BOP1: variants seen among roughly 807,000 people sequenced by gnomAD.
BOP1 encodes the protein ribosome biogenesis protein BOP1.
BOP1 carries 54 observed loss-of-function variants against 82.9 expected under a neutral mutation model. The ratio of observed to expected loss-of-function variants is 0.65; its 90% CI spans 0.52 to 0.82. The LOEUF is 0.82. Ranked by LOEUF, BOP1 falls within the 40% of genes least tolerant of loss-of-function variation. BOP1 has a pLI of 0.00. For synonymous variants in BOP1, 566 were observed against 451.1 expected, an observed-to-expected ratio of 1.25 and a Z score of -3.23; for missense variants, 1,170 against 1,072.0, an observed-to-expected ratio of 1.09 and a Z score of -1.28.
intron 2 of BOP1, among the ~76,000 whole-genome samples, chr8:144,278,644 A>G (rs1554838591): frequency 1.3e-5 from 2 of 152,202 alleles, no homozygotes; most frequent in Non-Finnish European, 2.9e-5. Flanking sequence ...TAACTTGCCC[A>G]GAGACCAGAG....
At chr8:144,265,682 G>A (rs1171066000) in intron 3 of BOP1, 3 of 158,994 alleles carry the variant, frequency 1.9e-5, no homozygotes, top group Non-Finnish European at 4.2e-5. Context: ...CACGGGGAGG[G>A]GCCCAGGCAA....
chr8:144,263,469 T>C lies in BOP1; in HGVS notation c.1424+9A>G, dbSNP rs891158108. ...CCCTGGCTCCCCAGCCCCCAGGGCC[T>C]CCACTTACACGGCTGCAGCCACCAG... On this transcript the variant is annotated intron_variant, in intron 11 of 15. Transcript: ENST00000569669. 2,676 of 1,597,792 alleles carry C rather than the reference T, an allele frequency of 1.7e-3. 34 individuals are homozygous for C. The African/African-American group carries it at 0.031, about 19-fold the overall frequency.
intron 2 of BOP1, among the ~76,000 whole-genome samples, chr8:144,284,925 C>G (rs4977199): frequency 0.54 from 81,744 of 152,082 alleles, 22,341 homozygotes; most frequent in Admixed American, 0.65. Context: ...GGCAGGTCGC[C>G]AGGTCTCCAC....
rs1554836704 is a variant in BOP1 at position 144,263,066 on chromosome 8, C to A, written c.1681G>T (p.Val561Leu). The change falls in exon 13 of 16, where the codon GTG (valine) becomes TTG (leucine). Residue 561 changes from valine to leucine, a missense_variant. Val to Leu is a conservative substitution (Grantham distance 32, BLOSUM62 1). Transcript: ENST00000569669. ...CGACGGCTCAGCTGGTGAATCAGCA[C>A]CTGGGTGTGGCCTTGGGTGGCCAGC... Reference protein sequence around the residue: ...VVLATQGHTQVLIHQLSRRRS... With the variant: ...VVLATQGHTQLLIHQLSRRRS... 2.7e-5 allele frequency: 43 copies of A among 1,587,632 alleles called. 1 individual carries two copies. The South Asian group carries it at 4.8e-4, about 18-fold the overall frequency.
chr8:144,276,269 G>C lies in BOP1; in HGVS notation c.345C>G (p.Ser115Arg). ...CCGCATACTCATCCCCAATCCGGGC[G>C]CTCGCCATCTCTGTCCTCGGGCAAG... ...STPCPRTEMA[S>R]ARIGDEYAED... Residue 115 changes from serine to arginine, a missense_variant, in exon 3 of 16, where the codon AGC becomes AGG. Ser to Arg is a moderately radical substitution (Grantham distance 110). Coordinates refer to ENST00000569669, the MANE Select transcript of BOP1 (RefSeq NM_015201.5). 6.2e-7 allele frequency: 1 copy of C among 1,613,612 alleles called. No individual in the cohort carries two copies. The highest frequency in any genetic ancestry group is 8.5e-7 in the Non-Finnish European group (1 of 1,179,836).
chr8:144,273,378 C>CAGA (rs1416893141), intron 3 of BOP1, among the ~76,000 whole-genome samples: 3 of 102,354 alleles, frequency 2.9e-5, no homozygotes, highest in African/African-American at 1.1e-4. Flanking sequence ...GCACCCCAGC[C>CAGA]CCAGACTCCA....
At chr8:144,262,805 C>CAGGCTGGA in intron 13 of BOP1, 48 bp downstream of exon 13, 2 of 302,722 alleles carry the variant, frequency 6.6e-6, no homozygotes, top group Non-Finnish European at 1.1e-5. Context: ...GGTACACCGC[C>CAGGCTGGA]CCCCCCCCCA....
intron 2 of BOP1, among the ~76,000 whole-genome samples, chr8:144,287,280 G>C (rs1554839580): frequency 6.6e-6 from 1 of 152,194 alleles, no homozygotes; most frequent in Non-Finnish European, 1.5e-5. Context: ...AAAGTGCTGG[G>C]ATTACAGGCG....
intron 2 of BOP1, among the ~76,000 whole-genome samples, chr8:144,288,269 T>TA (rs1814936858): frequency 1.1e-5 from 1 of 87,908 alleles, no homozygotes; most frequent in African/African-American, 4.7e-5. Flanking sequence ...GACTCTGTCT[T>TA]AGAAAAAAAA....
At chr8:144,266,742 C>G in intron 3 of BOP1, 1 of 1,099,176 alleles carries the variant, frequency 9.1e-7, no homozygotes, top group Non-Finnish European at 1.1e-6. Context: ...GTCGCGTGCA[C>G]GCGGCGCGCT....
At chr8:144,285,463 G>C (rs555235079) in intron 2 of BOP1, among the ~76,000 whole-genome samples, 1 of 152,176 alleles carries the variant, frequency 6.6e-6, no homozygotes, top group African/African-American at 2.4e-5. Context: ...TGGCAGAAGA[G>C]AAATTAGCAA....
At chr8:144,272,166 C>T (rs1042920955) in intron 3 of BOP1, among the ~76,000 whole-genome samples, 146 of 152,076 alleles carry the variant, frequency 9.6e-4, no homozygotes, top group African/African-American at 3.4e-3. Context: ...ACCCCAAACA[C>T]CCCCCACCGA....
intron 2 of BOP1, among the ~76,000 whole-genome samples, chr8:144,280,975 T>G (rs1465224856): frequency 6.6e-6 from 1 of 151,164 alleles, no homozygotes. Flanking sequence ...CTCACTTTAA[T>G]ACCAGGTCTT....
chr8:144,281,592 T>TCC (rs1845683911), intron 2 of BOP1: 1 of 147,112 alleles, frequency 6.8e-6, no homozygotes, highest in Admixed American at 6.7e-5. Context: ...TCTTTGGCCT[T>TCC]CTCTCACTTT....
intron 2 of BOP1, among the ~76,000 whole-genome samples, chr8:144,287,668 T>C (rs1057459416): frequency 8.5e-5 from 13 of 152,090 alleles, no homozygotes; most frequent in Non-Finnish European, 2.9e-5. Flanking sequence ...CCTGGCCCAG[T>C]ATTGTATCAT....
At chr8:144,275,256 C>G (rs1333191478) in intron 3 of BOP1, among the ~76,000 whole-genome samples, 5 of 152,184 alleles carry the variant, frequency 3.3e-5, no homozygotes, top group Admixed American at 6.5e-5. Flanking sequence ...GCCTCACACC[C>G]AGGTGCTCCA....
At chr8:144,290,338 C>A (rs1226336921) in intron 1 of BOP1, among the ~76,000 whole-genome samples, 196 of 125,956 alleles carry the variant, frequency 1.6e-3, no homozygotes, top group South Asian at 2.8e-3. Context: ...GGCTCTGTCT[C>A]AAAAAAAAAA....
chr8:144,274,398 G>C (rs1026476239), intron 3 of BOP1, among the ~76,000 whole-genome samples: 1 of 152,172 alleles, frequency 6.6e-6, no homozygotes, highest in Non-Finnish European at 1.5e-5. Flanking sequence ...AGAGCTGCAG[G>C]CTGTCTCCCA....
rs1242644803 is a variant in BOP1 at position 144,262,421 on chromosome 8, T to C, written c.2062A>G (p.Ile688Val). 2.4e-5 allele frequency: 38 copies of C among 1,612,602 alleles called. No individual in the cohort carries two copies. The highest frequency in any genetic ancestry group is 1.6e-4 in the Middle Eastern group (1 of 6,076). ...FASGSDDGSV[I>V]VCHGMVYNDL... ...TTGTACACCATGCCATGGCAGACGA[T>C]GACACTGCCGTCGTCCGAGCCTGAC... The change falls in exon 15 of 16, where the codon ATC becomes GTC. Residue 688 changes from isoleucine (I) to valine (V), a missense_variant. Physicochemically the swap from Ile to Val is conservative, Grantham distance 29. Transcript: ENST00000569669.
Sources: allele counts gnomAD v4.1 joint callset (sites outside exome capture counted in the v4.1 genomes callset), GRCh38; gene constraint gnomAD v4.1.1; transcripts MANE v1.5; gene names NCBI Gene and HGNC (gene_info 2026-07-23, HGNC 2026-07-21).